Variants in CCDC33 observed in about 807,000 individuals in gnomAD.
The protein encoded by CCDC33 is coiled-coil domain containing 33, also known as coiled-coil domain-containing protein 33.
CCDC33 carries 94 observed loss-of-function variants against 91.9 expected under a neutral mutation model. That is an observed-to-expected ratio of 1.02 (90% CI 0.87 to 1.21). The LOEUF (loss-of-function observed/expected upper bound fraction) is 1.21, where lower values mean the gene tolerates loss of function less well. Among genes scored for constraint, CCDC33 ranks in the 50% most tolerant of loss-of-function variants. CCDC33 has a pLI of 0.00. For synonymous variants in CCDC33, 396 were observed against 374.5 expected, an observed-to-expected ratio of 1.06 and a Z score of -0.66; for missense variants, 940 against 935.5, an observed-to-expected ratio of 1.00 and a Z score of -0.06.
chr15:74,225,102 C>CAGTTAG (rs1159949450), intron 2 of CCDC33, among the ~76,000 whole-genome samples: 1 of 149,616 alleles, frequency 6.7e-6, no homozygotes, highest in Non-Finnish European at 1.5e-5. Flanking sequence ...GACGCTGACT[C>CAGTTAG]ACACCTCCTG....
intron 1 of CCDC33, among the ~76,000 whole-genome samples, chr15:74,217,961 T>C (rs1005532301): frequency 2.0e-5 from 3 of 151,728 alleles, no homozygotes; most frequent in African/African-American, 7.3e-5. Flanking sequence ...CCCCACTAGA[T>C]TGTGGGTATG....
At position 74,218,680 on chromosome 15, in the gene CCDC33, G is replaced by A. The variant is rs1400760797; in HGVS notation, c.494G>A (p.Gly165Asp). 7.8e-7 allele frequency: 1 copy of A among 1,289,852 alleles called. No homozygotes were observed. Among genetic ancestry groups the A allele is most frequent in the Non-Finnish European group, 1.0e-6 (1 of 988,882 alleles). The allele number at this position is 1,289,852 out of a possible 1,614,324, so 79.9% of individuals were successfully genotyped here. A position where few individuals can be genotyped will look rare whatever the true frequency, so the allele number is the denominator to read the frequency against. The change falls in exon 2 of 3, where the codon GGC becomes GAC. Residue 165 changes from glycine (G) to aspartate (D), a missense_variant. Gly to Asp is a moderately conservative substitution (Grantham distance 94). Transcript: ENST00000635913. The surrounding 1 kb of genome is among the most constrained non-coding windows in gnomAD (Gnocchi z 4.8). ...CACGAGGACCTGTACCGCTACTGTGGCAACCTGGCTCTGCTCCGGGCTAGC... is the reference window on the plus strand; with the variant it reads ...CACGAGGACCTGTACCGCTACTGTGACAACCTGGCTCTGCTCCGGGCTAGC...
chr15:74,289,110 C>T (rs930051876), intron 10 of CCDC33, among the ~76,000 whole-genome samples: 2 of 152,148 alleles, frequency 1.3e-5, no homozygotes, highest in African/African-American at 4.8e-5. Context: ...TCACTCGGTG[C>T]CCGCCCCTCA....
intron 2 of CCDC33, among the ~76,000 whole-genome samples, chr15:74,223,440 A>T (rs1235541268): frequency 6.6e-6 from 1 of 152,062 alleles, no homozygotes; most frequent in African/African-American, 2.4e-5. Flanking sequence ...AACACAGAGG[A>T]CTGGAGGCCA....
At chr15:74,271,830 C>A in intron 6 of CCDC33, 36 bp downstream of exon 6, 1 of 1,568,134 alleles carries the variant, frequency 6.4e-7, no homozygotes, top group South Asian at 1.1e-5. Context: ...GTGAGGAGGG[C>A]AGAGCAGAGG....
chr15:74,228,792 A>G (rs2074879020), intron 2 of CCDC33, among the ~76,000 whole-genome samples: 1 of 152,158 alleles, frequency 6.6e-6, no homozygotes, highest in Admixed American at 6.5e-5. Flanking sequence ...CTTCCAGGAG[A>G]CAGGCAGGGG....
At chr15:74,309,836 A>G (rs1172810362) in intron 11 of CCDC33, among the ~76,000 whole-genome samples, 1 of 152,188 alleles carries the variant, frequency 6.6e-6, no homozygotes, top group African/African-American at 2.4e-5. Context: ...CTGGACTTTA[A>G]GTATGAGGGG....
chr15:74,227,831 G>A (rs1208998824), intron 2 of CCDC33, among the ~76,000 whole-genome samples: 1 of 152,104 alleles, frequency 6.6e-6, no homozygotes, highest in African/African-American at 2.4e-5. Flanking sequence ...CTGTAAAAGG[G>A]GGATAATGAT....
At chr15:74,226,588 G>A (rs1246216575) in intron 2 of CCDC33, among the ~76,000 whole-genome samples, 1 of 152,132 alleles carries the variant, frequency 6.6e-6, no homozygotes, top group Non-Finnish European at 1.5e-5. Flanking sequence ...CAGCACTTTG[G>A]GAGGTCAAGG....
At chr15:74,210,007 A>G (rs2074346019) in intron 2 of CCDC33, among the ~76,000 whole-genome samples, 1 of 152,262 alleles carries the variant, frequency 6.6e-6, no homozygotes, top group Non-Finnish European at 1.5e-5. Flanking sequence ...GGAAGAGAGA[A>G]GGACAATGCC....
At chr15:74,234,329 C>T (rs1315080683), upstream of CCDC33, among the ~76,000 whole-genome samples, 2 of 152,260 alleles carry the variant, frequency 1.3e-5, no homozygotes, top group Non-Finnish European at 2.9e-5. Context: ...CCTGGAATCT[C>T]CCTGAATCAT....
intron 10 of CCDC33, among the ~76,000 whole-genome samples, chr15:74,294,532 G>A (rs2059643579): frequency 6.6e-6 from 1 of 152,050 alleles, no homozygotes; most frequent in Admixed American, 6.6e-5. Flanking sequence ...CAGATCACAA[G>A]GTCAAGAGTT....
chr15:74,262,099 C>T (rs768039897), intron 2 of CCDC33, among the ~76,000 whole-genome samples: 69 of 152,280 alleles, frequency 4.5e-4, no homozygotes, highest in Middle Eastern at 3.4e-3. Flanking sequence ...GCCATGCACA[C>T]GGGCTCCTGC....
At chr15:74,283,964 C>T (rs147953301) in intron 10 of CCDC33, among the ~76,000 whole-genome samples, 1 of 152,238 alleles carries the variant, frequency 6.6e-6, no homozygotes. Context: ...AACTGACACA[C>T]AGATGTTTTC....
At chr15:74,331,342 C>G in intron 15 of CCDC33, 46 bp downstream of exon 15, 3 of 1,582,126 alleles carry the variant, frequency 1.9e-6, no homozygotes, top group Non-Finnish European at 1.7e-6. Flanking sequence ...TTCTGCTCCA[C>G]CCCTGGAGGC....
rs1376490871 is a variant in CCDC33, at chr15:74,262,539, T to A, written c.285T>A (p.Asn95Lys). Residue 95 changes from asparagine (N) to lysine (K), a missense_variant, in exon 3 of 19, where the codon AAT becomes AAA. Coordinates refer to ENST00000398814, the MANE Select transcript of CCDC33 (RefSeq NM_025055.5). ...TRAPIWGDTV[N>K]VEIQAEDAGQ... ...CCCCTATCTGGGGGGACACGGTGAA[T>A]GTGGAGATCCAAGCTGAGGATGCAG... The A allele has an allele frequency of 6.2e-7, 1 of 1,613,238 alleles. No individual in the cohort carries two copies. The highest frequency in any genetic ancestry group is 1.7e-5 in the Admixed American group (1 of 59,958).
intron 2 of CCDC33, chr15:74,221,295 A>G (rs912880488): frequency 1.0e-6 from 1 of 965,102 alleles, no homozygotes; most frequent in Non-Finnish European, 1.2e-6. Context: ...GCAGGAGAGC[A>G]GGATGAGCAG....
chr15:74,328,427 G>A, intron 11 of CCDC33, among the ~76,000 whole-genome samples: 1 of 152,216 alleles, frequency 6.6e-6, no homozygotes, highest in Non-Finnish European at 1.5e-5. Context: ...TCAGAAAGGT[G>A]AAGGGGCCTG....
chr15:74,311,387 A>C (rs1454372776), intron 11 of CCDC33: 2 of 152,158 alleles, frequency 1.3e-5, no homozygotes, highest in Non-Finnish European at 2.9e-5. Context: ...AGAGGGAAGA[A>C]TGTGAAAATG....
Sources: allele counts gnomAD v4.1 joint callset (sites outside exome capture counted in the v4.1 genomes callset), GRCh38; gene constraint gnomAD v4.1.1; non-coding constraint Gnocchi (gnomAD v3.1); transcripts MANE v1.5; gene names NCBI Gene and HGNC (gene_info 2026-07-23, HGNC 2026-07-21).